Variants in CALHM4 observed in about 807,000 individuals in gnomAD.
CALHM4 encodes the protein calcium homeostasis modulator protein 4.
CALHM4 carries 16 observed loss-of-function variants against 13.3 expected under a neutral mutation model. The observed-to-expected ratio is 1.20, with a 90% CI of 0.81 to 1.82. CALHM4 has a LOEUF of 1.82. Ranked by LOEUF, CALHM4 falls within the 40% of genes most tolerant of loss-of-function variation. The pLI, the probability that CALHM4 is intolerant of heterozygous loss-of-function variation, is 0.00. For missense variants in CALHM4, 344 were observed against 374.9 expected (o/e 0.92, Z 0.68); for synonymous variants, 127 against 137.1 (o/e 0.93, Z 0.52).
At chr6:116,550,575 A>G (rs1045441445), upstream of CALHM4, among the ~76,000 whole-genome samples, 4 of 152,062 alleles carry the variant, frequency 2.6e-5, no homozygotes, top group Admixed American at 2.0e-4. Context: ...TGTTGAAAAA[A>G]ATTTTTTGTT....
rs532670251 is a variant in CALHM4 at position 116,533,765 on chromosome 6, T to A, written c.-109+4575T>A. Among the ~76,000 whole-genome samples the A allele has an allele frequency of 1.3e-3, 202 of 152,350 alleles. 1 individual carries two copies. Among genetic ancestry groups the A allele is most frequent in the Non-Finnish European group, 2.3e-3 (154 of 68,034 alleles). Reference sequence around the variant, plus strand: ...GAAGAAGGGGCTTTTCTTCTGTCTCTAGCGTGCCTTTTGTTGGCTTGCTCC... The same window carrying A: ...GAAGAAGGGGCTTTTCTTCTGTCTCAAGCGTGCCTTTTGTTGGCTTGCTCC... On this transcript the variant is annotated intron_variant, in intron 1 of 2. Transcript: ENST00000368597.
chr6:116,540,588 G>A lies in CALHM4; in HGVS notation c.-108-3177G>A, dbSNP rs1045323468. On this transcript the variant is annotated intron_variant, in intron 1 of 2. Transcript: ENST00000368597. ...AATCACAAATCAAACCAAATATGAC[G>A]AGTCAAATGGCTTTTGGCTGTGGGC... The A allele has an allele frequency of 7.8e-6, 7 of 894,520 alleles. No homozygotes were observed. In the African/African-American group the frequency reaches 1.0e-4, roughly 13 times the overall value. 55.4% of individuals were successfully genotyped at this position (894,520 alleles called of 1,614,324 possible). A position where few individuals can be genotyped will look rare whatever the true frequency, so the allele number is the denominator to read the frequency against.
chr6:116,540,780 G>A (rs1773400913), intron 1 of CALHM4, among the ~76,000 whole-genome samples: 2 of 152,034 alleles, frequency 1.3e-5, no homozygotes, highest in South Asian at 4.1e-4. Flanking sequence ...TTTCTCAGTG[G>A]CAGCTAATTT....
At position 116,538,893 on chromosome 6, in the gene CALHM4, C is replaced by A. The variant is rs554226629; in HGVS notation, c.-108-4872C>A. 4.6e-5 allele frequency among the ~76,000 whole-genome samples: 7 copies of A among 152,150 alleles called. No homozygotes were observed. In the South Asian group the frequency reaches 1.5e-3, roughly 32 times the overall value. On this transcript the variant is annotated intron_variant, in intron 1 of 2. Coordinates refer to the CALHM4 transcript ENST00000368597. ...ACTACAGCTGTGCCACCACGCCCGG[C>A]TAATTTTTGTATTTTTTTGTAGAGG...
chr6:116,541,509 G>C (rs1773457360), intron 1 of CALHM4, among the ~76,000 whole-genome samples: 1 of 152,142 alleles, frequency 6.6e-6, no homozygotes, highest in Non-Finnish European at 1.5e-5. Flanking sequence ...GTGACTAGGT[G>C]GTTGGAGGGA....
chr6:116,536,561 TCTC>T (rs1485330540), intron 1 of CALHM4, among the ~76,000 whole-genome samples: 6 of 152,276 alleles, frequency 3.9e-5, no homozygotes, highest in Non-Finnish European at 7.4e-5. Flanking sequence ...AGGGATCACT[TCTC>T]CTGTCTGGGC....
Position 116,559,227 on chromosome 6 carries a change from C to G in CALHM4, c.*1016C>G, listed in dbSNP as rs1360172277. Among the ~76,000 whole-genome samples, 1 of 152,116 alleles carries G rather than the reference C, an allele frequency of 6.6e-6. No individual in the cohort carries two copies. Among genetic ancestry groups the G allele is most frequent in the African/African-American group, 2.4e-5 (1 of 41,446 alleles). ...TATAGTGACTCGTGCCTGATTTTTG[C>G]TACGTTCACTGAAGCAACTTGCTCA... On this transcript the variant is annotated 3_prime_UTR_variant, in exon 2 of 2. Coordinates refer to ENST00000368596, the MANE Select transcript of CALHM4 (RefSeq NM_001366078.2).
chr6:116,548,270 C>A (rs1156378812), intron 2 of CALHM4, among the ~76,000 whole-genome samples: 1 of 152,048 alleles, frequency 6.6e-6, no homozygotes, highest in Non-Finnish European at 1.5e-5. Context: ...AGAGCCCTTG[C>A]CAAAAAACAA....
chr6:116,546,695 A>G (rs1773800683), intron 2 of CALHM4, among the ~76,000 whole-genome samples: 2 of 152,154 alleles, frequency 1.3e-5, no homozygotes, highest in Non-Finnish European at 2.9e-5. Context: ...GTGAGAACCA[A>G]AGAGACGAGG....
At chr6:116,529,083 T>C (rs1216917521) in exon 1 of CALHM4, 2 of 152,436 alleles carry the variant, frequency 1.3e-5, no homozygotes, top group Non-Finnish European at 2.9e-5. Flanking sequence ...GTCTCCTGTT[T>C]CTACCTGGTT....
At chr6:116,541,273 T>C (rs1384225529) in intron 1 of CALHM4, among the ~76,000 whole-genome samples, 1 of 152,184 alleles carries the variant, frequency 6.6e-6, no homozygotes, top group Non-Finnish European at 1.5e-5. Context: ...ATCTCTATCT[T>C]ATAAGAACTT....
chr6:116,543,620 G>T (rs1340627116), intron 1 of CALHM4: 2 of 645,520 alleles, frequency 3.1e-6, no homozygotes, highest in South Asian at 1.9e-5. Context: ...TAAATAAAAT[G>T]AATTTCGTAA....
chr6:116,560,277 A>C lies in CALHM4; in HGVS notation c.*2066A>C, dbSNP rs1308417743. Among the ~76,000 whole-genome samples, 1 of 152,188 alleles carries C rather than the reference A, an allele frequency of 6.6e-6. No individual in the cohort carries two copies. The highest frequency in any genetic ancestry group is 1.5e-5 in the Non-Finnish European group (1 of 68,024). On this transcript the variant is annotated 3_prime_UTR_variant, in exon 2 of 2. Coordinates refer to ENST00000368596, the MANE Select transcript of CALHM4 (RefSeq NM_001366078.2). ...TGTCAGGAACTATACCACAGTAAAG[A>C]CTCTTCAATAAGATTTTCGGTTAAC...
At chr6:116,557,557 G>C (rs1485045962) in intron 1 of CALHM4, among the ~76,000 whole-genome samples, 1 of 152,152 alleles carries the variant, frequency 6.6e-6, no homozygotes, top group Non-Finnish European at 1.5e-5. Context: ...GTCACTTCAA[G>C]GACAGTACTT....
intron 2 of CALHM4, among the ~76,000 whole-genome samples, chr6:116,546,670 C>A (rs1773797661): frequency 6.6e-6 from 1 of 152,142 alleles, no homozygotes; most frequent in Non-Finnish European, 1.5e-5. Flanking sequence ...ATATCACTCA[C>A]CTCACAGAAT....
chr6:116,546,829 A>G (rs905189773), intron 2 of CALHM4, among the ~76,000 whole-genome samples: 5 of 152,192 alleles, frequency 3.3e-5, no homozygotes, highest in African/African-American at 1.2e-4. Flanking sequence ...CATATGTTCT[A>G]TGACACTATG....
intron 1 of CALHM4, among the ~76,000 whole-genome samples, chr6:116,541,388 A>G (rs2115240458): frequency 6.6e-6 from 1 of 152,288 alleles, no homozygotes; most frequent in South Asian, 2.1e-4. Context: ...AGCCACATCT[A>G]CATAGACAAG....
chr6:116,549,567 A>G (rs933254030), upstream of CALHM4, among the ~76,000 whole-genome samples: 4 of 151,874 alleles, frequency 2.6e-5, no homozygotes, highest in East Asian at 3.8e-4. Flanking sequence ...AATACATTAT[A>G]TATTATTTAT....
At position 116,539,046 on chromosome 6, in the gene CALHM4, C is replaced by G. The variant is rs941759950; in HGVS notation, c.-108-4719C>G. ...AAGAGGGAGTCATTCTCAAACCAAT[C>G]TATCCTCATTATAGAGAGACTGTGT... On this transcript the variant is annotated intron_variant, in intron 1 of 2. Coordinates refer to the CALHM4 transcript ENST00000368597. Among the ~76,000 whole-genome samples the G allele has an allele frequency of 3.3e-5, 5 of 152,260 alleles. No homozygotes were observed. The East Asian group carries it at 7.7e-4, about 24-fold the overall frequency.
Sources: allele counts gnomAD v4.1 joint callset (sites outside exome capture counted in the v4.1 genomes callset), GRCh38; gene constraint gnomAD v4.1.1; transcripts MANE v1.5; gene names NCBI Gene and HGNC (gene_info 2026-07-23, HGNC 2026-07-21).